Variants in ARHGEF4 observed in about 807,000 individuals in gnomAD.
ARHGEF4 encodes APC-stimulated guanine nucleotide exchange factor 1.
Under a neutral mutation model 162.0 loss-of-function variants are expected in ARHGEF4, and 119 were observed. The ratio of observed to expected loss-of-function variants is 0.73; its 90% CI spans 0.63 to 0.86. ARHGEF4 has a LOEUF of 0.86. ARHGEF4 is among the 40% of genes least tolerant of loss of function. ARHGEF4 has a pLI of 0.00. For missense variants in ARHGEF4, 2,488 were observed against 2,456.0 expected, an observed-to-expected ratio of 1.01 and a Z score of -0.28; for synonymous variants, 1,014 against 979.9, an observed-to-expected ratio of 1.03 and a Z score of -0.65.
At chr2:131,002,672 T>G (rs1687855162) in intron 4 of ARHGEF4, among the ~76,000 whole-genome samples, 1 of 118,746 alleles carries the variant, frequency 8.4e-6, no homozygotes, top group Non-Finnish European at 1.6e-5. Flanking sequence ...ATCGCACCAC[T>G]GCACTCCAGC....
chr2:130,867,722 A>G (rs7573895), intron 1 of ARHGEF4, among the ~76,000 whole-genome samples: 49,836 of 151,624 alleles, frequency 0.33, 10,878 homozygotes, highest in African/African-American at 0.6. Context: ...GGGCTTTCTC[A>G]TCTGTGCCCT....
At chr2:130,903,247 C>CTTTTTTTTTTTTTTT (rs59665239) in intron 1 of ARHGEF4, among the ~76,000 whole-genome samples, 1 of 143,740 alleles carries the variant, frequency 7.0e-6, no homozygotes. Flanking sequence ...TTTATCTTGA[C>CTTTTTTTTTTTTTTT]TTTTTTTTTT....
At chr2:131,043,150 G>C (rs1690950914) in intron 10 of ARHGEF4, among the ~76,000 whole-genome samples, 1 of 152,164 alleles carries the variant, frequency 6.6e-6, no homozygotes, top group East Asian at 1.9e-4. Context: ...TATTTCATAT[G>C]AAGTCTTCAA....
At chr2:130,937,568 C>G (rs908000055) in intron 3 of ARHGEF4, among the ~76,000 whole-genome samples, 2 of 151,890 alleles carry the variant, frequency 1.3e-5, no homozygotes, top group Non-Finnish European at 2.9e-5. Context: ...TGATTAGAGT[C>G]TTTGTCTAGT....
intron 3 of ARHGEF4, among the ~76,000 whole-genome samples, chr2:130,941,210 A>ATTTT (rs70994724): frequency 2.0e-4 from 29 of 145,302 alleles, no homozygotes; most frequent in African/African-American, 6.6e-4. Context: ...TCCATTTATA[A>ATTTT]TTTTTTTTTT....
intron 1 of ARHGEF4, among the ~76,000 whole-genome samples, chr2:130,889,141 G>A (rs1461233441): frequency 6.6e-6 from 1 of 151,556 alleles, no homozygotes; most frequent in Non-Finnish European, 1.5e-5. Context: ...TTATACGTCT[G>A]TCTCTATTTG....
rs911524191 is a variant in ARHGEF4, at chr2:130,900,593, T to C, written c.40-13393T>C. Among the ~76,000 whole-genome samples the C allele has an allele frequency of 3.9e-5, 6 of 152,224 alleles. No homozygotes were observed. In the South Asian group the frequency reaches 1.2e-3, roughly 32 times the overall value. ...GAAGCTTTATCTTTTTTCATTTGTT[T>C]CAAGGATATTGATAATTACTTATTG... is the stretch of plus-strand genomic sequence containing the variant. On this transcript the variant is annotated intron_variant, in intron 1 of 13. Transcript: ENST00000409359.
chr2:130,855,383 T>A (rs1681708538), intron 1 of ARHGEF4, among the ~76,000 whole-genome samples: 1 of 152,106 alleles, frequency 6.6e-6, no homozygotes, highest in African/African-American at 2.4e-5. Context: ...TACTCATGGT[T>A]ATGGTTTATT....
chr2:130,903,245 G>T (rs72992459), intron 1 of ARHGEF4, among the ~76,000 whole-genome samples: 6,254 of 91,574 alleles, frequency 0.068, 459 homozygotes, highest in African/African-American at 0.2. Context: ...TGTTTATCTT[G>T]ACTTTTTTTT....
rs765639146 is a variant in ARHGEF4, at chr2:130,879,013, C to G, written c.40-34973C>G. 3.8e-4 allele frequency among the ~76,000 whole-genome samples: 58 copies of G among 152,218 alleles called. 1 individual carries two copies. Among genetic ancestry groups the G allele is most frequent in the Non-Finnish European group, 7.1e-4 (48 of 68,050 alleles). On this transcript the variant is annotated intron_variant, in intron 1 of 13. Coordinates refer to ENST00000409359, the MANE Select transcript of ARHGEF4 (RefSeq NM_001367493.1). Reference sequence around the variant, plus strand: ...AGAGGAAAGGATGTCCAGGTAGAGGCTACGGCTCAGGCAGAGGCTCAGAGG... The same window carrying G: ...AGAGGAAAGGATGTCCAGGTAGAGGGTACGGCTCAGGCAGAGGCTCAGAGG...
At chr2:130,838,559 T>C (rs970936879) in intron 1 of ARHGEF4, among the ~76,000 whole-genome samples, 4 of 150,678 alleles carry the variant, frequency 2.7e-5, no homozygotes, top group African/African-American at 2.4e-5. Flanking sequence ...TGAGCCAAGA[T>C]AGCACCACTG....
rs761294778 is a variant in ARHGEF4 at position 130,877,979 on chromosome 2, C to T, written c.40-36007C>T. On this transcript the variant is annotated intron_variant, in intron 1 of 13. Transcript: ENST00000409359. ...GCTTTAGTCTTGTTTGAGCCTTGTACGGTATCCAGCCCTGTGCTTGGTACT... is the reference window on the plus strand; with the variant it reads ...GCTTTAGTCTTGTTTGAGCCTTGTATGGTATCCAGCCCTGTGCTTGGTACT... Among the ~76,000 whole-genome samples the T allele has an allele frequency of 3.8e-4, 58 of 152,090 alleles. 1 individual carries two copies. The highest frequency in any genetic ancestry group is 8.8e-5 in the Non-Finnish European group (6 of 68,030).
chr2:130,922,381 A>G (rs1372662783), intron 2 of ARHGEF4, among the ~76,000 whole-genome samples: 1 of 152,120 alleles, frequency 6.6e-6, no homozygotes, highest in Non-Finnish European at 1.5e-5. Flanking sequence ...CAAAAAAAAA[A>G]AAAGAGTTTA....
At chr2:131,041,544 G>C in intron 9 of ARHGEF4, 82 bp downstream of exon 9, 2 of 1,392,638 alleles carry the variant, frequency 1.4e-6, no homozygotes, top group Non-Finnish European at 2.0e-6. Flanking sequence ...CAGTGTGCTG[G>C]GCACTGCTGC....
Position 130,974,616 on chromosome 2 carries a change from A to ATT in ARHGEF4, c.3985+27997_3985+27998dup, listed in dbSNP as rs70994726. ...TAGGCACACGCCACCACACCCAGCT[A>ATT]TTTTTTTTTTTTTTTTTGTATTTTT... On this transcript the variant is annotated intron_variant, in intron 4 of 13. Coordinates refer to ENST00000409359, the MANE Select transcript of ARHGEF4 (RefSeq NM_001367493.1). Among the ~76,000 whole-genome samples the ATT allele has an allele frequency of 1.4e-3, 189 of 134,252 alleles. 3 individuals carry two copies. The highest frequency in any genetic ancestry group is 5.0e-3 in the African/African-American group (178 of 35,748). The allele number at this position is 134,252 out of a possible 152,430, so 88.1% of individuals were successfully genotyped here.
At chr2:130,920,285 T>G (rs1209407739) in intron 2 of ARHGEF4, among the ~76,000 whole-genome samples, 1 of 152,156 alleles carries the variant, frequency 6.6e-6, no homozygotes, top group Non-Finnish European at 1.5e-5. Context: ...ATTTTTTAAT[T>G]TTTTGTAGTG....
chr2:130,921,826 G>A lies in ARHGEF4; in HGVS notation c.3552+4328G>A, dbSNP rs1681891024. On this transcript the variant is annotated intron_variant, in intron 2 of 13. Transcript: ENST00000409359. ...CCTGCCTCAGCCTCCCAAGTAGCTGGGACTATAGGCGCCTGCCACCACGCT... is the reference window on the plus strand; with the variant it reads ...CCTGCCTCAGCCTCCCAAGTAGCTGAGACTATAGGCGCCTGCCACCACGCT... Among the ~76,000 whole-genome samples the A allele has an allele frequency of 2.0e-5, 3 of 151,960 alleles. No individual in the cohort carries two copies. The South Asian group carries it at 6.2e-4, about 32-fold the overall frequency.
At chr2:130,972,269 AT>A (rs1685416910) in intron 4 of ARHGEF4, among the ~76,000 whole-genome samples, 1 of 152,216 alleles carries the variant, frequency 6.6e-6, no homozygotes. Flanking sequence ...TCACTTACAA[AT>A]GTTTCATTTC....
chr2:130,884,589 GAGGGC>G (rs1679396196), intron 1 of ARHGEF4, among the ~76,000 whole-genome samples: 1 of 152,094 alleles, frequency 6.6e-6, no homozygotes, highest in African/African-American at 2.4e-5. Flanking sequence ...TTAATACTTT[GAGGGC>G]TAAAGGGCAA....
Sources: gnomAD v4.1 joint callset for allele counts (sites outside exome capture counted in the v4.1 genomes callset) on GRCh38, gnomAD v4.1.1 for gene constraint, MANE v1.5 for transcripts, NCBI Gene and HGNC (gene_info 2026-07-23, HGNC 2026-07-21) for gene names.